The following RBFOX1 variants were observed in gnomAD, a reference collection of about 807,000 sequenced individuals.
RBFOX1 encodes the protein RNA binding fox-1 homolog 1.
Under a neutral mutation model 57.7 loss-of-function variants are expected in RBFOX1, and 8 were observed. The ratio of observed to expected loss-of-function variants is 0.14; its 90% CI spans 0.08 to 0.25. The LOEUF (loss-of-function observed/expected upper bound fraction) is 0.25. Ranked by LOEUF, RBFOX1 falls within the 10% of genes least tolerant of loss-of-function variation. The pLI is 1.00. For synonymous variants in RBFOX1, 326 were observed against 222.4 expected (o/e 1.47, Z -4.15); for missense variants, 611 against 548.5 (o/e 1.11, Z -1.14).
chr16:5,561,921 A>G (rs2045903244), intron 2 of RBFOX1, among the ~76,000 whole-genome samples: 1 of 152,180 alleles, frequency 6.6e-6, no homozygotes, highest in Admixed American at 6.5e-5. Context: ...AGTCCACCCA[A>G]GATAATTCTT....
chr16:7,468,451 G>A (rs889741110), intron 4 of RBFOX1, among the ~76,000 whole-genome samples: 2 of 144,774 alleles, frequency 1.4e-5, no homozygotes, highest in Non-Finnish European at 3.0e-5. Context: ...GAGTCACTCG[G>A]AGGGTGTTTT....
At position 5,957,264 on chromosome 16, in the gene RBFOX1, G is replaced by C. The variant is rs1258185931; in HGVS notation, c.351+89929G>C. 2.0e-5 allele frequency among the ~76,000 whole-genome samples: 3 copies of C among 152,046 alleles called. No individual in the cohort carries two copies. In the East Asian group the frequency reaches 5.8e-4, roughly 29 times the overall value. ...GAGTCTTGGTCTGTTGCCCAGGCTGGAGTGCAGTGGCATGATCTCAGCTCA... is the reference window on the plus strand; with the variant it reads ...GAGTCTTGGTCTGTTGCCCAGGCTGCAGTGCAGTGGCATGATCTCAGCTCA... On this transcript the variant is annotated intron_variant, in intron 4 of 19. Transcript: ENST00000641259.
intron 1 of RBFOX1, among the ~76,000 whole-genome samples, chr16:6,253,474 T>A (rs2097638352): frequency 6.6e-6 from 1 of 152,154 alleles, no homozygotes. Context: ...TTTTCCAAAG[T>A]CACATACGTA....
At chr16:7,460,834 C>G (rs1044430312) in intron 4 of RBFOX1, among the ~76,000 whole-genome samples, 1 of 152,054 alleles carries the variant, frequency 6.6e-6, no homozygotes, top group Non-Finnish European at 1.5e-5. Context: ...GCCTCCCTCC[C>G]AAAATTTCTG....
At chr16:7,020,874 C>T (rs991968410) in intron 3 of RBFOX1, among the ~76,000 whole-genome samples, 3 of 152,164 alleles carry the variant, frequency 2.0e-5, no homozygotes, top group African/African-American at 7.2e-5. Flanking sequence ...TGCCTGTAAT[C>T]CCAGAACTTT....
chr16:7,624,765 C>T (rs956391507), intron 10 of RBFOX1, among the ~76,000 whole-genome samples: 1 of 152,146 alleles, frequency 6.6e-6, no homozygotes, highest in Admixed American at 6.5e-5. Context: ...GAAAGCCAGA[C>T]ATCAGTGGAG....
Position 7,332,951 on chromosome 16 carries a change from C to T in RBFOX1, c.28-185196C>T, listed in dbSNP as rs760421306. ...GTTGGGTCTATAGATTTCCCCCTAACTCTCCATTGATGTGTTGAGCTTCAG... is the reference window on the plus strand; with the variant it reads ...GTTGGGTCTATAGATTTCCCCCTAATTCTCCATTGATGTGTTGAGCTTCAG... On this transcript the variant is annotated intron_variant, in intron 4 of 15. Coordinates refer to ENST00000550418, the MANE Select transcript of RBFOX1 (RefSeq NM_018723.4). 6.2e-6 allele frequency: 10 copies of T among 1,611,930 alleles called. No individual in the cohort carries two copies. The South Asian group carries it at 8.8e-5, about 14-fold the overall frequency.
intron 1 of RBFOX1, among the ~76,000 whole-genome samples, chr16:6,026,194 C>G (rs1302297977): frequency 6.6e-6 from 1 of 152,198 alleles, no homozygotes; most frequent in African/African-American, 2.4e-5. Flanking sequence ...TCCTTTTTCT[C>G]TTACTCCACT....
chr16:6,653,927 G>C (rs1174793195), intron 2 of RBFOX1, among the ~76,000 whole-genome samples: 2 of 149,688 alleles, frequency 1.3e-5, no homozygotes, highest in South Asian at 4.3e-4. Flanking sequence ...CGAGTGTGTA[G>C]ATGATTGATG....
At chr16:5,886,383 T>C (rs561329511) in intron 4 of RBFOX1, among the ~76,000 whole-genome samples, 1 of 152,326 alleles carries the variant, frequency 6.6e-6, no homozygotes, top group East Asian at 1.9e-4. Flanking sequence ...CTTTAAAAAA[T>C]ATTAGTTATT....
chr16:7,450,484 G>A lies in RBFOX1; in HGVS notation c.28-67663G>A, dbSNP rs958584648. ...TGATAAATTCTATACCACTGTGAAT[G>A]TTAACTCGTAAGGATTTGAAGATAA... On this transcript the variant is annotated intron_variant, in intron 4 of 15. Transcript: ENST00000550418. Among the ~76,000 whole-genome samples, 13 of 150,150 alleles carry A rather than the reference G, an allele frequency of 8.7e-5. No individual in the cohort carries two copies. In the South Asian group the frequency reaches 2.6e-3, roughly 30 times the overall value.
chr16:5,328,657 C>A (rs1021508990), intron 1 of RBFOX1, among the ~76,000 whole-genome samples: 12 of 152,328 alleles, frequency 7.9e-5, no homozygotes, highest in Admixed American at 7.2e-4. Context: ...ATGAGATGCT[C>A]TCCAGCCCTG....
chr16:7,536,026 AAT>A (rs1157447022), intron 5 of RBFOX1, among the ~76,000 whole-genome samples: 5 of 152,212 alleles, frequency 3.3e-5, no homozygotes, highest in African/African-American at 1.2e-4. Flanking sequence ...CGTAACACAG[AAT>A]ACACACACAC....
intron 4 of RBFOX1, among the ~76,000 whole-genome samples, chr16:7,085,277 G>T (rs768918324): frequency 1.3e-5 from 2 of 152,090 alleles, no homozygotes; most frequent in African/African-American, 4.8e-5. Context: ...GTCACCTAAA[G>T]AGAACAGCTG....
intron 2 of RBFOX1, chr16:6,573,981 CA>C (rs2097383993): frequency 6.6e-6 from 1 of 152,312 alleles, no homozygotes; most frequent in Non-Finnish European, 1.5e-5. Context: ...TTGCTTCTAA[CA>C]GACATCCTCC....
At chr16:7,704,651 C>G (rs377020214) in intron 14 of RBFOX1, among the ~76,000 whole-genome samples, 37 of 152,166 alleles carry the variant, frequency 2.4e-4, no homozygotes, top group African/African-American at 7.0e-4. Flanking sequence ...AGTTCTCGTT[C>G]CAGGAGGGTG....
At position 5,293,246 on chromosome 16, in the gene RBFOX1, T is replaced by C. The variant is rs565849686; in HGVS notation, c.219+53141T>C. Among the ~76,000 whole-genome samples the C allele has an allele frequency of 3.3e-5, 5 of 152,158 alleles. No individual in the cohort carries two copies. The South Asian group carries it at 6.2e-4, about 19-fold the overall frequency. On this transcript the variant is annotated intron_variant, in intron 1 of 2. Transcript: ENST00000585867. ...TGAGGCAGGAGTTATCGCTTGAACC[T>C]GGGAGGTGGAGGTGTCCTGTGTCCA...
chr16:7,318,366 G>C (rs1603619719), intron 4 of RBFOX1, among the ~76,000 whole-genome samples: 1 of 152,028 alleles, frequency 6.6e-6, no homozygotes, highest in Non-Finnish European at 1.5e-5. Flanking sequence ...AGTGGTGGTG[G>C]TGGTGGTGAT....
At chr16:7,037,790 G>C (rs1365477217) in intron 3 of RBFOX1, among the ~76,000 whole-genome samples, 2 of 152,092 alleles carry the variant, frequency 1.3e-5, no homozygotes, top group African/African-American at 4.8e-5. Flanking sequence ...TCTGGCTTTC[G>C]ATTTTGTTCT....
Sources: gnomAD v4.1 joint callset for allele counts (sites outside exome capture counted in the v4.1 genomes callset) on GRCh38, gnomAD v4.1.1 for gene constraint, MANE v1.5 for transcripts, NCBI Gene and HGNC (gene_info 2026-07-23, HGNC 2026-07-21) for gene names.